Variants in WWOX observed in about 807,000 individuals in gnomAD.
The protein encoded by WWOX is WW domain containing oxidoreductase.
In WWOX, 69 loss-of-function variants were observed where a neutral mutation model predicts 46.2. The observed-to-expected ratio is 1.49, with a 90% CI of 1.23 to 1.82. The LOEUF (loss-of-function observed/expected upper bound fraction) is 1.82. WWOX is among the 40% of genes most tolerant of loss of function. WWOX has a pLI of 0.00. For synonymous variants in WWOX, 359 were observed against 202.6 expected (o/e 1.77, Z -6.56); for missense variants, 919 against 542.6 (o/e 1.69, Z -6.89).
At chr16:78,557,741 G>C (rs2044339663) in intron 8 of WWOX, among the ~76,000 whole-genome samples, 1 of 128,634 alleles carries the variant, frequency 7.8e-6, no homozygotes, top group Non-Finnish European at 1.5e-5. Flanking sequence ...TGTTGTCCAA[G>C]CTGGAGTGCA....
intron 8 of WWOX, among the ~76,000 whole-genome samples, chr16:78,644,574 G>T (rs975828572): frequency 6.6e-6 from 1 of 152,072 alleles, no homozygotes; most frequent in South Asian, 2.1e-4. Context: ...TGATTTTCCT[G>T]CCTCAGCCTC....
intron 5 of WWOX, among the ~76,000 whole-genome samples, chr16:78,177,663 A>G (rs1405444363): frequency 1.3e-5 from 2 of 152,212 alleles, no homozygotes; most frequent in Non-Finnish European, 2.9e-5. Flanking sequence ...CTTGGATTCC[A>G]GTCTTAGGAG....
chr16:79,052,423 C>T (rs142904122), intron 8 of WWOX, among the ~76,000 whole-genome samples: 2 of 152,172 alleles, frequency 1.3e-5, no homozygotes, highest in Admixed American at 6.5e-5. Flanking sequence ...CCAGCCATCC[C>T]GTTACTGGGT....
chr16:78,656,104 G>C (rs1191067245), intron 8 of WWOX, among the ~76,000 whole-genome samples: 1 of 152,170 alleles, frequency 6.6e-6, no homozygotes, highest in Non-Finnish European at 1.5e-5. Context: ...ATGGGATGGG[G>C]AAGAATCAAA....
At chr16:79,206,558 T>C (rs2051518722) in intron 8 of WWOX, 1 of 152,206 alleles carries the variant, frequency 6.6e-6, no homozygotes, top group Non-Finnish European at 1.5e-5. Context: ...TCGTAACCTC[T>C]CAATAAATGC....
chr16:79,192,854 C>A (rs938067446), intron 8 of WWOX, among the ~76,000 whole-genome samples: 1 of 152,192 alleles, frequency 6.6e-6, no homozygotes, highest in African/African-American at 2.4e-5. Context: ...GTCACTTAGC[C>A]TCTCTGAGCT....
intron 8 of WWOX, among the ~76,000 whole-genome samples, chr16:79,093,291 C>T (rs1179737165): frequency 1.3e-5 from 2 of 152,108 alleles, no homozygotes; most frequent in African/African-American, 4.8e-5. Context: ...AAATACCTGT[C>T]TATTAATACT....
chr16:78,767,191 G>T (rs1597576127), intron 8 of WWOX, among the ~76,000 whole-genome samples: 1 of 151,222 alleles, frequency 6.6e-6, no homozygotes, highest in Non-Finnish European at 1.5e-5. Flanking sequence ...CACAATCAAA[G>T]CTCACTGCAG....
intron 8 of WWOX, among the ~76,000 whole-genome samples, chr16:78,814,937 G>A (rs1010642413): frequency 1.3e-5 from 2 of 152,136 alleles, no homozygotes; most frequent in Non-Finnish European, 2.9e-5. Flanking sequence ...ACCATAGTTG[G>A]CTCTCTTGCC....
chr16:79,059,531 C>G (rs989318386), intron 8 of WWOX, among the ~76,000 whole-genome samples: 1 of 152,134 alleles, frequency 6.6e-6, no homozygotes, highest in African/African-American at 2.4e-5. Context: ...TGCCCTGTTG[C>G]CCTGGCTGGA....
chr16:78,744,862 T>A (rs957138443), intron 8 of WWOX, among the ~76,000 whole-genome samples: 32 of 152,178 alleles, frequency 2.1e-4, no homozygotes, highest in African/African-American at 7.0e-4. Flanking sequence ...AGTCATTGGG[T>A]AAGCAAAGAA....
chr16:78,561,491 A>G (rs2044433464), intron 8 of WWOX, among the ~76,000 whole-genome samples: 1 of 152,164 alleles, frequency 6.6e-6, no homozygotes, highest in Non-Finnish European at 1.5e-5. Flanking sequence ...TACCTAGAGT[A>G]TGAATTGACT....
chr16:78,839,732 C>G (rs895138169), intron 8 of WWOX, among the ~76,000 whole-genome samples: 1 of 152,044 alleles, frequency 6.6e-6, no homozygotes, highest in African/African-American at 2.4e-5. Context: ...ATGTTCCTAC[C>G]AAGTCACAGG....
chr16:78,476,652 TTTTCA>T lies in WWOX; in HGVS notation c.1056+43906_1056+43910del, dbSNP rs534921210. On this transcript the variant is annotated intron_variant, in intron 8 of 8. Transcript: ENST00000566780. ...AAAAGAACTGGAGCATCGACTTTCG[TTTTCA>T]TTTCAAGACCCGTCCCCCATGATCA... Among the ~76,000 whole-genome samples the T allele has an allele frequency of 2.5e-4, 38 of 152,092 alleles. 1 individual carries two copies. The East Asian group carries it at 7.0e-3, about 28-fold the overall frequency.
chr16:78,861,228 C>A (rs550503343), intron 8 of WWOX, among the ~76,000 whole-genome samples: 1 of 152,182 alleles, frequency 6.6e-6, no homozygotes, highest in African/African-American at 2.4e-5. Context: ...AAATAAAAGA[C>A]TGAGTAAGAA....
At chr16:79,027,636 G>A (rs533892997) in intron 8 of WWOX, among the ~76,000 whole-genome samples, 1 of 151,872 alleles carries the variant, frequency 6.6e-6, no homozygotes, top group South Asian at 2.1e-4. Flanking sequence ...TCGTGAATTC[G>A]GTCATTGTTA....
chr16:78,748,119 ACTC>A (rs2049393177), intron 8 of WWOX, among the ~76,000 whole-genome samples: 1 of 151,676 alleles, frequency 6.6e-6, no homozygotes, highest in East Asian at 1.9e-4. Flanking sequence ...CGGACCCTCC[ACTC>A]CTCTATCTCG....
At chr16:79,147,255 G>C (rs12716870) in intron 8 of WWOX, among the ~76,000 whole-genome samples, 60,056 of 151,990 alleles carry the variant, frequency 0.4, 12,886 homozygotes, top group African/African-American at 0.56. Flanking sequence ...TTCCTTCTGC[G>C]CCTGCCTCAT....
At chr16:79,177,959 G>T (rs1277588577) in intron 8 of WWOX, among the ~76,000 whole-genome samples, 3 of 152,180 alleles carry the variant, frequency 2.0e-5, no homozygotes, top group African/African-American at 7.2e-5. Flanking sequence ...TTCAGCTTCT[G>T]TTGAGGGCTC....
Sources: allele counts gnomAD v4.1 joint callset (sites outside exome capture counted in the v4.1 genomes callset), GRCh38; gene constraint gnomAD v4.1.1; transcripts MANE v1.5; gene names NCBI Gene and HGNC (gene_info 2026-07-23, HGNC 2026-07-21).